LPXN: variants seen among roughly 807,000 people sequenced by gnomAD.
LPXN encodes leupaxin.
In LPXN, 28 loss-of-function variants were observed where a neutral mutation model predicts 45.6. That is an observed-to-expected ratio of 0.61 (90% CI 0.45 to 0.84). The LOEUF (loss-of-function observed/expected upper bound fraction) is 0.84, where lower values mean the gene tolerates loss of function less well. Ranked by LOEUF, LPXN falls within the 40% of genes least tolerant of loss-of-function variation. The pLI is 0.00. For synonymous variants in LPXN, 166 were observed against 169.9 expected (o/e 0.98, Z 0.18); for missense variants, 459 against 475.0 (o/e 0.97, Z 0.31).
At chr11:58,532,052 A>C (rs1853406091) in intron 7 of LPXN, among the ~76,000 whole-genome samples, 2 of 152,224 alleles carry the variant, frequency 1.3e-5, no homozygotes, top group African/African-American at 4.8e-5. Context: ...GTGGCCGGCC[A>C]GCACCGCCAG....
Position 58,549,787 on chromosome 11 carries a change from T to A in LPXN, c.741A>T (p.Glu247Asp), listed in dbSNP as rs780260635. ...ACAGCCTCTCAAGTCGGGTCATACC[T>A]TCTGCACCAAACACCTCTCCGCAGT... The part of the protein sequence containing the change: ...CSHCGEVFGA[E>D]GFHEKDKKPY... The change falls in exon 7 of 9, where the codon GAA (glutamate) becomes GAT (aspartate). Residue 247 changes from glutamate to aspartate, a missense_variant and splice_region_variant. Transcript: ENST00000395074. 6.2e-7 allele frequency: 1 copy of A among 1,613,970 alleles called. No individual in the cohort carries two copies.
chr11:58,551,335 C>G, intron 4 of LPXN, 103 bp from the exon 5 acceptor site: 1 of 953,932 alleles, frequency 1.0e-6, no homozygotes, highest in Non-Finnish European at 1.4e-6. Flanking sequence ...GATCTCTTGG[C>G]CTTTCCCCAA....
At position 58,550,145 on chromosome 11, in the gene LPXN, A is replaced by G; in HGVS notation, c.488T>C (p.Val163Ala). The G allele has an allele frequency of 1.2e-6, 2 of 1,610,710 alleles. No individual in the cohort carries two copies. The highest frequency in any genetic ancestry group is 2.2e-5 in the East Asian group (1 of 44,744). Reference protein sequence around the residue: ...ASCQKPIAGKVIHALGQSWHP... With the variant: ...ASCQKPIAGKAIHALGQSWHP... Reference sequence around the variant, plus strand: ...CCATGATTGCCCTAGAGCATGGATCACCTGTGGAGTGAAATAAAGCCTGAC... The same window carrying G: ...CCATGATTGCCCTAGAGCATGGATCGCCTGTGGAGTGAAATAAAGCCTGAC... The change falls in exon 6 of 9, where the codon GTG becomes GCG. Residue 163 changes from valine to alanine, a missense_variant and splice_region_variant. Transcript: ENST00000395074.
intron 7 of LPXN, among the ~76,000 whole-genome samples, chr11:58,534,851 C>T (rs1341717678): frequency 1.3e-5 from 2 of 152,056 alleles, no homozygotes; most frequent in East Asian, 3.9e-4. Context: ...ACTACTGATC[C>T]CACAGAAATA....
At chr11:58,542,062 G>C (rs1029059941) in intron 7 of LPXN, among the ~76,000 whole-genome samples, 1 of 151,448 alleles carries the variant, frequency 6.6e-6, no homozygotes. Context: ...AGTGGGGAGG[G>C]ATAGCATTAG....
At chr11:58,557,726 C>T (rs1309966226) in intron 3 of LPXN, among the ~76,000 whole-genome samples, 4 of 152,078 alleles carry the variant, frequency 2.6e-5, no homozygotes, top group African/African-American at 9.7e-5. Flanking sequence ...AACAAACAAA[C>T]AAAAATGTGT....
intron 3 of LPXN, among the ~76,000 whole-genome samples, chr11:58,562,617 C>G (rs576691336): frequency 4.6e-5 from 7 of 152,116 alleles, no homozygotes; most frequent in Non-Finnish European, 7.4e-5. Flanking sequence ...AGAAGCAAAA[C>G]AGAAGACACT....
At chr11:58,566,138 T>C (rs1055270401) in intron 2 of LPXN, among the ~76,000 whole-genome samples, 2 of 151,850 alleles carry the variant, frequency 1.3e-5, no homozygotes, top group Non-Finnish European at 2.9e-5. Context: ...GGAACATGTG[T>C]TTTTTTTCGT....
intron 7 of LPXN, among the ~76,000 whole-genome samples, chr11:58,528,604 TA>T (rs1344243011): frequency 2.0e-5 from 3 of 152,180 alleles, no homozygotes; most frequent in African/African-American, 7.2e-5. Context: ...TACCTTTATT[TA>T]AAATCATCTT....
intron 7 of LPXN, among the ~76,000 whole-genome samples, chr11:58,542,046 G>C (rs957849988): frequency 2.0e-5 from 3 of 151,722 alleles, no homozygotes; most frequent in South Asian, 4.2e-4. Context: ...GTTGTGGGGT[G>C]GGGGGAGTGG....
chr11:58,545,818 C>T (rs1853860905), intron 7 of LPXN, among the ~76,000 whole-genome samples: 1 of 152,158 alleles, frequency 6.6e-6, no homozygotes, highest in African/African-American at 2.4e-5. Flanking sequence ...AACTTTCTAA[C>T]TGTGTGACTT....
intron 1 of LPXN, 105 bp downstream of exon 1, chr11:58,575,655 C>T (rs903757652): frequency 3.6e-5 from 45 of 1,255,822 alleles, no homozygotes; most frequent in Non-Finnish European, 5.0e-5. Flanking sequence ...AAAATAAAAT[C>T]TTCCATTACT....
At chr11:58,556,437 T>C (rs1854206463) in intron 3 of LPXN, among the ~76,000 whole-genome samples, 2 of 151,976 alleles carry the variant, frequency 1.3e-5, no homozygotes, top group African/African-American at 2.4e-5. Flanking sequence ...TAAGCAGATA[T>C]CTAATTAAGA....
chr11:58,563,284 G>T (rs1854431951), intron 3 of LPXN, among the ~76,000 whole-genome samples: 8 of 152,104 alleles, frequency 5.3e-5, no homozygotes, highest in Admixed American at 5.2e-4. Flanking sequence ...CAACATCCTT[G>T]GAACTAGAAT....
rs1416384074 is a variant in LPXN, at chr11:58,528,118, G to A, written c.816C>T (p.Gly272=). ...AGTTTTCCAACACTGGGCGATTGCA[G>A]CCACCACACTTGGGTGAGAACATGG... ...FLAMFSPKCG[G]CNRPVLENYL... The change falls in exon 8 of 9, where the codon GGC becomes GGT. Residue 272 remains glycine, a synonymous_variant. Transcript: ENST00000395074. 1.2e-6 allele frequency: 2 copies of A among 1,614,092 alleles called. No individual in the cohort carries two copies. Among genetic ancestry groups the A allele is most frequent in the East Asian group, 2.2e-5 (1 of 44,894 alleles).
chr11:58,563,688 C>T (rs1207996455), intron 3 of LPXN, among the ~76,000 whole-genome samples: 1 of 152,128 alleles, frequency 6.6e-6, no homozygotes, highest in African/African-American at 2.4e-5. Flanking sequence ...ATCCCTCTAC[C>T]CACTATACAA....
intron 7 of LPXN, among the ~76,000 whole-genome samples, chr11:58,542,635 A>G (rs1051911193): frequency 6.6e-6 from 1 of 152,096 alleles, no homozygotes; most frequent in Admixed American, 6.6e-5. Context: ...ATAATGCTTC[A>G]GTGAAAATCT....
In LPXN at chr11:58,575,777, C is replaced by G; in HGVS notation, c.-5G>C. ...TCACTCACCTAACTCTTCCATTGTC[C>G]TACATCCAAGATGCTCTTGTCTCAC... On this transcript the variant is annotated 5_prime_UTR_variant, in exon 1 of 9. It removes the in-frame stop codon of an upstream open reading frame in the 5' UTR. Coordinates refer to ENST00000395074, the MANE Select transcript of LPXN (RefSeq NM_004811.3). 6.2e-7 allele frequency: 1 copy of G among 1,614,210 alleles called. No homozygotes were observed.
intron 3 of LPXN, among the ~76,000 whole-genome samples, chr11:58,562,984 G>C (rs1476082440): frequency 6.6e-6 from 1 of 152,198 alleles, no homozygotes; most frequent in Non-Finnish European, 1.5e-5. Context: ...AAATAGGCCA[G>C]AGAGGCCCAT....
Sources: allele counts gnomAD v4.1 joint callset (sites outside exome capture counted in the v4.1 genomes callset), GRCh38; gene constraint gnomAD v4.1.1; transcripts MANE v1.5; gene names NCBI Gene and HGNC (gene_info 2026-07-23, HGNC 2026-07-21).